Variants in ARSK observed in about 807,000 individuals in gnomAD.
The protein encoded by ARSK is arylsulfatase family member K, also known as arylsulfatase K.
In ARSK, 37 loss-of-function variants were observed where a neutral mutation model predicts 53.2. The ratio of observed to expected loss-of-function variants is 0.70; its 90% CI spans 0.54 to 0.92. The LOEUF (loss-of-function observed/expected upper bound fraction) is 0.92. Ranked by LOEUF, ARSK falls within the 40% of genes least tolerant of loss-of-function variation. ARSK has a pLI of 0.00. For synonymous variants in ARSK, 208 were observed against 223.2 expected (o/e 0.93, Z 0.61); for missense variants, 613 against 643.0 (o/e 0.95, Z 0.51).
intron 1 of ARSK, among the ~76,000 whole-genome samples, chr5:95,561,119 A>G (rs1748626508): frequency 6.6e-6 from 1 of 152,178 alleles, no homozygotes; most frequent in Admixed American, 6.5e-5. Flanking sequence ...AAAAGATCTT[A>G]ATAGACATTT....
In ARSK at chr5:95,583,167, C is replaced by T. The variant is rs986146012; in HGVS notation, c.668C>T (p.Thr223Ile). 20 of 1,590,018 alleles carry T rather than the reference C, an allele frequency of 1.3e-5. No homozygotes were observed. Among genetic ancestry groups the T allele is most frequent in the Non-Finnish European group, 1.6e-5 (19 of 1,164,756 alleles). ...TCTGGAGAAAATTTTGGATCTTCAA[C>T]ATTTCACACATCTCTTTATTGGCTT... Reference protein sequence around the residue: ...PSSGENFGSSTFHTSLYWLEK... With the variant: ...PSSGENFGSSIFHTSLYWLEK... Residue 223 changes from threonine (T) to isoleucine (I), a missense_variant, in exon 4 of 8, where the codon ACA (threonine) becomes ATA (isoleucine). By Grantham distance (89) the Thr-to-Ile change is moderately conservative. Transcript: ENST00000380009.
intron 1 of ARSK, among the ~76,000 whole-genome samples, chr5:95,562,158 C>T (rs1386011147): frequency 6.6e-6 from 1 of 152,118 alleles, no homozygotes. Flanking sequence ...TTGCAGTGAA[C>T]CGAGATTGTG....
intron 1 of ARSK, among the ~76,000 whole-genome samples, chr5:95,562,396 G>A (rs1748653101): frequency 1.3e-5 from 2 of 152,140 alleles, no homozygotes; most frequent in Admixed American, 1.3e-4. Flanking sequence ...AGTAGGTACA[G>A]GAGTGTTTAC....
chr5:95,593,883 A>G (rs1749258148), intron 6 of ARSK, among the ~76,000 whole-genome samples: 1 of 152,130 alleles, frequency 6.6e-6, no homozygotes, highest in African/African-American at 2.4e-5. Context: ...TATTTTTCAT[A>G]AGATTCTTGG....
chr5:95,603,091 A>G, intron 7 of ARSK, 146 bp from the exon 8 acceptor site: 3 of 554,770 alleles, frequency 5.4e-6, no homozygotes, highest in Non-Finnish European at 8.8e-6. Context: ...ATGTTATTTT[A>G]CCATTTATAC....
intron 6 of ARSK, among the ~76,000 whole-genome samples, chr5:95,595,102 C>T (rs573306135): frequency 6.6e-6 from 1 of 152,142 alleles, no homozygotes; most frequent in Non-Finnish European, 1.5e-5. Context: ...TAAAAATAGT[C>T]ACTTCTAATG....
At chr5:95,561,787 T>A (rs1032696386) in intron 1 of ARSK, among the ~76,000 whole-genome samples, 2 of 152,198 alleles carry the variant, frequency 1.3e-5, no homozygotes, top group Admixed American at 6.5e-5. Flanking sequence ...TTGGGGATGA[T>A]GAGAACATTC....
At chr5:95,573,019 A>G (rs1748861446) in intron 3 of ARSK, among the ~76,000 whole-genome samples, 1 of 152,188 alleles carries the variant, frequency 6.6e-6, no homozygotes, top group Non-Finnish European at 1.5e-5. Context: ...AACAGTCTAT[A>G]ATGCAGAAAA....
At chr5:95,560,648 T>G (rs1748613774) in intron 1 of ARSK, among the ~76,000 whole-genome samples, 1 of 151,852 alleles carries the variant, frequency 6.6e-6, no homozygotes, top group Non-Finnish European at 1.5e-5. Context: ...TGAATGAAGT[T>G]GGACCCTGCC....
Position 95,603,244 on chromosome 5 carries a change from C to A in ARSK, c.1329C>A (p.Ser443=), listed in dbSNP as rs2112453046. 2 of 1,555,800 alleles carry A rather than the reference C, an allele frequency of 1.3e-6. No homozygotes were observed. The highest frequency in any genetic ancestry group is 4.6e-5 in the East Asian group (2 of 43,886). Residue 443 remains serine, a synonymous_variant, in exon 8 of 8, where the codon TCC becomes TCA. Transcript: ENST00000380009. ...ASILPQLFDL[S]SDPDELTNVA... ...TTATTTTTTTTCTTTCAGATCTTTC[C>A]TCGGATCCAGATGAATTAACAAATG...
At chr5:95,566,640 A>G (rs1417669663) in intron 2 of ARSK, among the ~76,000 whole-genome samples, 7 of 152,206 alleles carry the variant, frequency 4.6e-5, no homozygotes, top group Admixed American at 3.3e-4. Flanking sequence ...CACTTTTATT[A>G]TAATAATTTA....
chr5:95,563,552 G>T (rs1404150442), intron 1 of ARSK, among the ~76,000 whole-genome samples: 6 of 152,178 alleles, frequency 3.9e-5, no homozygotes, highest in Non-Finnish European at 5.9e-5. Flanking sequence ...ATATTTCAAA[G>T]AGTCCTGCTT....
rs536349128 is a variant in ARSK, at chr5:95,574,583, T to C, written c.416+6534T>C. On this transcript the variant is annotated intron_variant, in intron 3 of 7. Transcript: ENST00000380009. The stretch of plus-strand genomic sequence containing the variant: ...ATTATAGTTTTGATTTGCATTTCTC[T>C]AATGATCAATGTTGCTGAGCATCTT... 2.6e-5 allele frequency among the ~76,000 whole-genome samples: 4 copies of C among 152,354 alleles called. No homozygotes were observed. In the South Asian group the frequency reaches 8.3e-4, roughly 32 times the overall value.
In ARSK at chr5:95,591,510, G is replaced by A. The variant is rs1272173158; in HGVS notation, c.981G>A (p.Met327Ile). 1.9e-6 allele frequency: 3 copies of A among 1,614,132 alleles called. No homozygotes were observed. Among genetic ancestry groups the A allele is most frequent in the South Asian group, 2.2e-5 (2 of 91,080 alleles). Residue 327 changes from methionine to isoleucine, a missense_variant, in exon 6 of 8, where the codon ATG (methionine) becomes ATA (isoleucine). By Grantham distance (10) the Met-to-Ile change is conservative (BLOSUM62 1). Coordinates refer to ENST00000380009, the MANE Select transcript of ARSK (RefSeq NM_198150.3). ...LAMEHRQFYK[M>I]SMYEASAHVP... Reference sequence around the variant, plus strand: ...TGGAACATCGACAGTTTTATAAAATGAGCATGTACGAGGCTAGTGCACATG... The same window carrying A: ...TGGAACATCGACAGTTTTATAAAATAAGCATGTACGAGGCTAGTGCACATG...
chr5:95,597,550 A>G lies in ARSK; in HGVS notation c.1097-3297A>G, dbSNP rs369128352. The stretch of plus-strand genomic sequence containing the variant: ...CTCTTTACTCGTTACCAACTGCGTA[A>G]TCTTGGGCAGGTTACTCAACATGTC... On this transcript the variant is annotated intron_variant, in intron 6 of 7. Transcript: ENST00000380009. Among the ~76,000 whole-genome samples, 9 of 152,310 alleles carry G rather than the reference A, an allele frequency of 5.9e-5. No homozygotes were observed. The East Asian group carries it at 1.5e-3, about 26-fold the overall frequency.
chr5:95,555,902 A>G lies in ARSK; in HGVS notation c.126+498A>G, dbSNP rs1236763105. ...CTGATTCAAATGGAATCGTTGGTATAACTTGATTCACTCCCCCGTATTCCA... is the reference window on the plus strand; with the variant it reads ...CTGATTCAAATGGAATCGTTGGTATGACTTGATTCACTCCCCCGTATTCCA... On this transcript the variant is annotated intron_variant, in intron 1 of 7. Coordinates refer to ENST00000380009, the MANE Select transcript of ARSK (RefSeq NM_198150.3). This position sits in a 1 kb window ranked among gnomAD's most constrained non-coding sequence, Gnocchi z 4.0. Among the ~76,000 whole-genome samples the G allele has an allele frequency of 2.0e-5, 3 of 152,194 alleles. 1 individual carries two copies. The highest frequency in any genetic ancestry group is 4.4e-5 in the Non-Finnish European group (3 of 68,026).
chr5:95,561,601 T>C (rs982605673), intron 1 of ARSK, among the ~76,000 whole-genome samples: 1 of 152,160 alleles, frequency 6.6e-6, no homozygotes, highest in Non-Finnish European at 1.5e-5. Flanking sequence ...ACAATATAGA[T>C]GAAACTTAAA....
intron 1 of ARSK, among the ~76,000 whole-genome samples, chr5:95,563,150 T>G (rs953682722): frequency 6.6e-6 from 1 of 152,224 alleles, no homozygotes; most frequent in African/African-American, 2.4e-5. Context: ...AAACCAAAAC[T>G]TCTAGAAAAT....
chr5:95,599,771 C>G (rs1211158395), intron 6 of ARSK, among the ~76,000 whole-genome samples: 1 of 152,212 alleles, frequency 6.6e-6, no homozygotes, highest in Non-Finnish European at 1.5e-5. Context: ...CAACTACCTT[C>G]AGAAGATTTA....
Sources: allele counts gnomAD v4.1 joint callset (sites outside exome capture counted in the v4.1 genomes callset), GRCh38; gene constraint gnomAD v4.1.1; non-coding constraint Gnocchi (gnomAD v3.1); transcripts MANE v1.5; gene names NCBI Gene and HGNC (gene_info 2026-07-23, HGNC 2026-07-21).